The following CRACD variants were observed in gnomAD, a reference collection of about 807,000 sequenced individuals.
CRACD encodes the protein capping protein-inhibiting regulator of actin dynamics.
A neutral mutation model predicts 106.8 loss-of-function variants in CRACD; 56 were observed. The observed-to-expected ratio is 0.52, with a 90% confidence interval of 0.42 to 0.66. The LOEUF is 0.66. Ranked by LOEUF, CRACD falls within the 30% of genes least tolerant of loss-of-function variation. The pLI is 0.00. For missense variants in CRACD, 1,730 were observed against 1,623.2 expected (o/e 1.07, Z -1.13); for synonymous variants, 754 against 670.8 (o/e 1.12, Z -1.92).
intron 1 of CRACD, among the ~76,000 whole-genome samples, chr4:56,087,582 C>T (rs914998944): frequency 6.6e-6 from 1 of 152,134 alleles, no homozygotes; most frequent in African/African-American, 2.4e-5. Context: ...TGGTTTCACT[C>T]ATTCCTGTGG....
intron 1 of CRACD, among the ~76,000 whole-genome samples, chr4:56,070,771 GT>G (rs1164356841): frequency 4.0e-5 from 6 of 151,212 alleles, no homozygotes; most frequent in Admixed American, 4.0e-4. Flanking sequence ...CCCCCCTGCC[GT>G]TTCTGTAGAC....
At chr4:56,158,591 G>A (rs1010267627) in intron 1 of CRACD, among the ~76,000 whole-genome samples, 11 of 152,064 alleles carry the variant, frequency 7.2e-5, no homozygotes, top group Non-Finnish European at 1.2e-4. Flanking sequence ...GCATAAGACC[G>A]CCAGCCTGAT....
chr4:56,205,669 G>A (rs765562770), intron 2 of CRACD, among the ~76,000 whole-genome samples: 1 of 151,512 alleles, frequency 6.6e-6, no homozygotes, highest in Non-Finnish European at 1.5e-5. Flanking sequence ...TTAGAGACAG[G>A]GTCTCACTAT....
At chr4:56,072,699 G>A (rs192558704) in intron 1 of CRACD, among the ~76,000 whole-genome samples, 1 of 152,064 alleles carries the variant, frequency 6.6e-6, no homozygotes, top group Admixed American at 6.6e-5. Flanking sequence ...GTGGTTTGCT[G>A]CACCCATCAA....
At chr4:56,179,897 G>A (rs1208648591) in intron 2 of CRACD, among the ~76,000 whole-genome samples, 1 of 151,952 alleles carries the variant, frequency 6.6e-6, no homozygotes, top group East Asian at 1.9e-4. Context: ...GGCACCTGTA[G>A]TCCCAGCTAC....
chr4:56,224,475 T>G (rs1202280442), intron 2 of CRACD, among the ~76,000 whole-genome samples: 1 of 152,146 alleles, frequency 6.6e-6, no homozygotes, highest in Non-Finnish European at 1.5e-5. Context: ...TTATCTTGAG[T>G]TTTTCATCAT....
At chr4:56,066,621 G>A (rs1732474131) in intron 1 of CRACD, among the ~76,000 whole-genome samples, 2 of 152,150 alleles carry the variant, frequency 1.3e-5, no homozygotes, top group African/African-American at 4.8e-5. Context: ...TGTCATATGG[G>A]GAAGAGAAGC....
Position 56,316,721 on chromosome 4 carries a change from A to G in CRACD, c.3187+32A>G, listed in dbSNP as rs535521006. On this transcript the variant is annotated intron_variant, in intron 8 of 10. Transcript: ENST00000682029. ...AGCTGCAGGGTGGGTAACTGCTGCC[A>G]GCCGAGGTGTCAGAGCCAGGGCATC... 4 of 1,577,650 alleles carry G rather than the reference A, an allele frequency of 2.5e-6. 1 individual carries two copies. In the South Asian group the frequency reaches 4.6e-5, roughly 18 times the overall value.
In CRACD at chr4:56,209,498, C is replaced by T. The variant is rs550687235; in HGVS notation, c.-189+30068C>T. On this transcript the variant is annotated intron_variant, in intron 2 of 10. Transcript: ENST00000682029. Reference sequence around the variant, plus strand: ...ATTACATATATTAACTACATGAACTCTTTAACCCTAGTTTTTAGTGAAATC... The same window carrying T: ...ATTACATATATTAACTACATGAACTTTTTAACCCTAGTTTTTAGTGAAATC... Among the ~76,000 whole-genome samples the T allele has an allele frequency of 7.0e-4, 107 of 152,112 alleles. No homozygotes were observed. In the Middle Eastern group the frequency reaches 0.017, roughly 24 times the overall value.
chr4:56,086,277 G>A (rs1029436367), intron 1 of CRACD, among the ~76,000 whole-genome samples: 2 of 152,038 alleles, frequency 1.3e-5, no homozygotes, highest in African/African-American at 4.8e-5. Flanking sequence ...TTCTGTTAGT[G>A]TTTGTTTGTT....
At chr4:56,246,335 A>G (rs1740681249) in intron 2 of CRACD, among the ~76,000 whole-genome samples, 1 of 152,114 alleles carries the variant, frequency 6.6e-6, no homozygotes, top group Admixed American at 6.5e-5. Flanking sequence ...GTGGAAGGTG[A>G]TTACAAGTGA....
At chr4:56,064,671 A>G (rs1317911763) in intron 1 of CRACD, among the ~76,000 whole-genome samples, 4 of 152,074 alleles carry the variant, frequency 2.6e-5, no homozygotes, top group African/African-American at 9.7e-5. Flanking sequence ...GGCTTCACCT[A>G]TTGTTAAAAA....
chr4:56,196,128 G>A (rs1560479972), intron 2 of CRACD, among the ~76,000 whole-genome samples: 1 of 152,146 alleles, frequency 6.6e-6, no homozygotes, highest in Non-Finnish European at 1.5e-5. Context: ...AGTGTGAAAA[G>A]CAATAATAAT....
chr4:56,320,439 T>C (rs1746013732), intron 8 of CRACD, among the ~76,000 whole-genome samples: 1 of 152,198 alleles, frequency 6.6e-6, no homozygotes, highest in Non-Finnish European at 1.5e-5. Flanking sequence ...GGTGATGCAA[T>C]TGACTATCTT....
intron 1 of CRACD, among the ~76,000 whole-genome samples, chr4:56,170,491 G>A (rs1464505928): frequency 6.6e-6 from 1 of 152,098 alleles, no homozygotes; most frequent in Non-Finnish European, 1.5e-5. Context: ...GCAAATCTTG[G>A]CTAGGTAAAG....
chr4:56,302,892 C>T (rs539598977), intron 4 of CRACD, among the ~76,000 whole-genome samples: 5 of 152,252 alleles, frequency 3.3e-5, no homozygotes, highest in Non-Finnish European at 5.9e-5. Flanking sequence ...TTCCACATTA[C>T]AACAAAATGG....
At chr4:56,267,659 T>A (rs1196060182) in intron 2 of CRACD, among the ~76,000 whole-genome samples, 5 of 152,186 alleles carry the variant, frequency 3.3e-5, no homozygotes, top group Non-Finnish European at 7.3e-5. Context: ...GGGTGGAGAA[T>A]CCAGTTAGGT....
chr4:56,176,167 T>A (rs1736574751), intron 1 of CRACD, among the ~76,000 whole-genome samples: 1 of 152,206 alleles, frequency 6.6e-6, no homozygotes, highest in Non-Finnish European at 1.5e-5. Flanking sequence ...TACCATGCTG[T>A]TTTAGATATT....
intron 8 of CRACD, among the ~76,000 whole-genome samples, chr4:56,318,438 T>C (rs1745828627): frequency 6.6e-6 from 1 of 152,212 alleles, no homozygotes; most frequent in Admixed American, 6.5e-5. Context: ...CACTAGTGTT[T>C]GTGGCACTGG....
Sources: gnomAD v4.1 joint callset for allele counts (sites outside exome capture counted in the v4.1 genomes callset) on GRCh38, gnomAD v4.1.1 for gene constraint, MANE v1.5 for transcripts, NCBI Gene and HGNC (gene_info 2026-07-23, HGNC 2026-07-21) for gene names.